RECK: variants seen among roughly 807,000 people sequenced by gnomAD.
The protein encoded by RECK is reversion inducing cysteine rich protein with kazal motifs, also known as reversion-inducing cysteine-rich protein with Kazal motifs.
Under a neutral mutation model 115.1 loss-of-function variants are expected in RECK, and 69 were observed. The ratio of observed to expected loss-of-function variants is 0.60; its 90% confidence interval spans 0.49 to 0.73. The LOEUF (loss-of-function observed/expected upper bound fraction) is 0.73, where lower values mean the gene tolerates loss of function less well. Among genes scored for constraint, RECK ranks in the 30% least tolerant of loss-of-function variants. RECK has a pLI of 0.00. For missense variants in RECK, 1,047 were observed against 1,203.7 expected (o/e 0.87, Z 1.93); for synonymous variants, 414 against 419.7 (o/e 0.99, Z 0.17).
rs543873870 is a variant in RECK, at chr9:36,056,258, A to G, written c.160-2569A>G. Among the ~76,000 whole-genome samples, 45 of 152,206 alleles carry G rather than the reference A, an allele frequency of 3.0e-4. No individual in the cohort carries two copies. The East Asian group carries it at 6.9e-3, about 23-fold the overall frequency. On this transcript the variant is annotated intron_variant, in intron 2 of 20. Coordinates refer to ENST00000377966, the MANE Select transcript of RECK (RefSeq NM_021111.3). ...TATGTCATTTAAAAAAAAAATAACC[A>G]CAATACTGTTATTACTTCTTTGAAA...
chr9:36,112,558 G>A, intron 16 of RECK, 82 bp downstream of exon 16: 1 of 1,433,554 alleles, frequency 7.0e-7, no homozygotes, highest in South Asian at 1.2e-5. Flanking sequence ...AGTGAAAACA[G>A]AAAGGTAAAT....
intron 1 of RECK, among the ~76,000 whole-genome samples, chr9:36,045,464 G>C (rs907414548): frequency 1.3e-5 from 2 of 151,712 alleles, no homozygotes; most frequent in Non-Finnish European, 2.9e-5. Flanking sequence ...TTTTTCTCCT[G>C]AAGTGTGTAA....
chr9:36,106,238 AC>A (rs141077085), intron 13 of RECK, among the ~76,000 whole-genome samples: 5,226 of 149,308 alleles, frequency 0.035, 352 homozygotes, highest in African/African-American at 0.12. Flanking sequence ...TTAAAAAAAA[AC>A]GTTTTTTTTT....
chr9:36,110,735 T>C (rs2132664708), intron 15 of RECK, among the ~76,000 whole-genome samples: 1 of 152,212 alleles, frequency 6.6e-6, no homozygotes, highest in Middle Eastern at 3.4e-3. Flanking sequence ...CTTGCCCCCA[T>C]TTCACACTGC....
intron 10 of RECK, among the ~76,000 whole-genome samples, chr9:36,098,219 T>C (rs1292877055): frequency 1.3e-5 from 2 of 152,244 alleles, no homozygotes; most frequent in African/African-American, 4.8e-5. Context: ...TGTTAAATGT[T>C]CTTACCACAA....
intron 3 of RECK, among the ~76,000 whole-genome samples, chr9:36,059,127 A>G (rs1334489316): frequency 1.3e-5 from 2 of 152,204 alleles, no homozygotes; most frequent in Non-Finnish European, 2.9e-5. Flanking sequence ...ACAATCTTAA[A>G]TATAAATGTG....
chr9:36,063,931 T>C (rs753688063), intron 5 of RECK, 51 bp downstream of exon 5: 273 of 1,561,792 alleles, frequency 1.7e-4, no homozygotes, highest in Non-Finnish European at 2.0e-4. Flanking sequence ...AGTTTGGTTT[T>C]AGCTGTGCAC....
intron 14 of RECK, among the ~76,000 whole-genome samples, chr9:36,109,172 C>A (rs1249531468): frequency 6.6e-6 from 1 of 152,138 alleles, no homozygotes. Context: ...TAACATTTCA[C>A]TGACTAAATG....
At chr9:36,102,782 C>T (rs774458695) in intron 12 of RECK, among the ~76,000 whole-genome samples, 9 of 151,544 alleles carry the variant, frequency 5.9e-5, no homozygotes, top group Non-Finnish European at 1.2e-4. Context: ...GGTGAGACCC[C>T]GTCTCTACTA....
chr9:36,107,128 GAATTC>G (rs1823851535), intron 13 of RECK, among the ~76,000 whole-genome samples: 1 of 136,782 alleles, frequency 7.3e-6, no homozygotes, highest in African/African-American at 2.7e-5. Flanking sequence ...AAAAAAAAAG[GAATTC>G]AATTCAGAAT....
At chr9:36,104,292 G>GTATATATA (rs11273343) in intron 12 of RECK, among the ~76,000 whole-genome samples, 236 of 43,812 alleles carry the variant, frequency 5.4e-3, no homozygotes, top group Middle Eastern at 0.023. Flanking sequence ...GTGTGTGTGT[G>GTATATATA]TATATATATA....
intron 1 of RECK, among the ~76,000 whole-genome samples, chr9:36,045,137 T>C (rs1821023394): frequency 6.6e-6 from 1 of 152,202 alleles, no homozygotes; most frequent in South Asian, 2.1e-4. Context: ...TATGACAAGA[T>C]GTTAGCAGTG....
intron 4 of RECK, among the ~76,000 whole-genome samples, chr9:36,060,449 A>G (rs1821708679): frequency 6.6e-6 from 1 of 151,968 alleles, no homozygotes; most frequent in Non-Finnish European, 1.5e-5. Flanking sequence ...ATTCTCATTC[A>G]CTCAGTCCTT....
At position 36,108,172 on chromosome 9, in the gene RECK, T is replaced by G; in HGVS notation, c.1765+8T>G. ...TTGGAGGAAAAAGAAAAAGTGAGTC[T>G]TAAGCTCTGATTTTGTTTTTAATAT... On this transcript the variant is annotated splice_region_variant and intron_variant, in intron 14 of 20. Transcript: ENST00000377966. 1.3e-6 allele frequency: 2 copies of G among 1,571,898 alleles called. No individual in the cohort carries two copies. Among genetic ancestry groups the G allele is most frequent in the Non-Finnish European group, 1.7e-6 (2 of 1,163,006 alleles).
intron 9 of RECK, among the ~76,000 whole-genome samples, chr9:36,089,069 T>G (rs567117060): frequency 8.9e-4 from 135 of 152,272 alleles, no homozygotes; most frequent in African/African-American, 2.3e-3. Context: ...AGCGAGACTC[T>G]GTCTCCAAAT....
intron 10 of RECK, among the ~76,000 whole-genome samples, chr9:36,095,949 A>G (rs112727260): frequency 0.025 from 3,776 of 150,130 alleles, 171 homozygotes; most frequent in African/African-American, 0.086. Flanking sequence ...GGTGGCGGGC[A>G]CCTGTAAACT....
chr9:36,080,415 A>T (rs900944354), intron 6 of RECK, among the ~76,000 whole-genome samples, 190 bp from the exon 7 acceptor site: 3 of 152,136 alleles, frequency 2.0e-5, no homozygotes, highest in African/African-American at 7.2e-5. Context: ...CTTGATCCTG[A>T]TATATGTTGG....
In RECK at chr9:36,065,601, A is replaced by G. The variant is rs758755681; in HGVS notation, c.382A>G (p.Lys128Glu). The change falls in exon 6 of 21, where the codon AAA becomes GAA. Residue 128 changes from lysine (K) to glutamate (E), a missense_variant. Transcript: ENST00000377966. ...GGCATCTTCAAAGAATGATATTTCCAAAGTTTGCAGAAAAGAATATGAGGT... is the reference window on the plus strand; with the variant it reads ...GGCATCTTCAAAGAATGATATTTCCGAAGTTTGCAGAAAAGAATATGAGGT... ...KQASSKNDIS[K>E]VCRKEYENAL... 1.3e-6 allele frequency: 2 copies of G among 1,586,842 alleles called. No homozygotes were observed. Among genetic ancestry groups the G allele is most frequent in the South Asian group, 2.4e-5 (2 of 84,142 alleles).
chr9:36,082,162 C>CTCTCTCTCTCTCTG (rs1822735668), intron 7 of RECK, among the ~76,000 whole-genome samples: 1 of 147,210 alleles, frequency 6.8e-6, no homozygotes, highest in Non-Finnish European at 1.5e-5. Flanking sequence ...TTCTCTCTCT[C>CTCTCTCTCTCTCTG]TCTCTCTCTC....
Sources: gnomAD v4.1 joint callset for allele counts (sites outside exome capture counted in the v4.1 genomes callset) on GRCh38, gnomAD v4.1.1 for gene constraint, MANE v1.5 for transcripts, NCBI Gene and HGNC (gene_info 2026-07-23, HGNC 2026-07-21) for gene names.